The following LHX8 variants were observed in gnomAD, a reference collection of about 807,000 sequenced individuals.
LHX8 encodes the protein LIM/homeobox protein Lhx8.
Under a neutral mutation model 40.3 loss-of-function variants are expected in LHX8, and 12 were observed. The ratio of observed to expected loss-of-function variants is 0.30; its 90% CI spans 0.19 to 0.48. The LOEUF (loss-of-function observed/expected upper bound fraction) is 0.48. Among genes scored for constraint, LHX8 ranks in the 20% least tolerant of loss-of-function variants. LHX8 has a pLI of 0.99. For missense variants in LHX8, 344 were observed against 433.7 expected, an observed-to-expected ratio of 0.79 and a Z score of 1.84; for synonymous variants, 179 against 162.0, an observed-to-expected ratio of 1.10 and a Z score of -0.80.
the LHX8 span, among the ~76,000 whole-genome samples, chr1:75,193,692 T>G: frequency 6.6e-6 from 1 of 152,226 alleles, no homozygotes; most frequent in Admixed American, 6.5e-5. Flanking sequence ...TGCCTTAACT[T>G]CCAGAATCCC....
At chr1:75,136,322 G>A (rs1244092954) in intron 1 of LHX8, among the ~76,000 whole-genome samples, 1 of 152,038 alleles carries the variant, frequency 6.6e-6, no homozygotes, top group Non-Finnish European at 1.5e-5. Flanking sequence ...CCCGGCGGGG[G>A]GGCGGGGAAC....
rs765140176 is a variant in LHX8 at position 75,156,910 on chromosome 1, T to C, written c.798T>C (p.Cys266=). The C allele has an allele frequency of 8.7e-6, 14 of 1,614,182 alleles. No homozygotes were observed. The highest frequency in any genetic ancestry group is 1.2e-5 in the Non-Finnish European group (14 of 1,180,030). ...RRVIQVWFQN[C]RARHKKHVSP... ...CTGCTCAGGTGTGGTTTCAGAATTGTAGAGCACGCCACAAGAAACACGTCA... is the reference window on the plus strand; with the variant it reads ...CTGCTCAGGTGTGGTTTCAGAATTGCAGAGCACGCCACAAGAAACACGTCA... The change falls in exon 8 of 9, where the codon TGT becomes TGC. Residue 266 remains cysteine (C), a synonymous_variant. Coordinates refer to ENST00000356261, the MANE Select transcript of LHX8 (RefSeq NM_001256114.2).
At chr1:75,167,760 G>A in the LHX8 span, among the ~76,000 whole-genome samples, 1 of 152,146 alleles carries the variant, frequency 6.6e-6, no homozygotes, top group Admixed American at 6.5e-5. Context: ...CTCTTGCCAT[G>A]GTTAATTTAC....
chr1:75,184,723 C>A, the LHX8 span, among the ~76,000 whole-genome samples: 2 of 151,848 alleles, frequency 1.3e-5, no homozygotes, highest in East Asian at 3.9e-4. Flanking sequence ...GAGGCAAGAG[C>A]AACCCCAAAG....
chr1:75,148,021 A>G (rs1648507449), intron 6 of LHX8, among the ~76,000 whole-genome samples: 1 of 152,138 alleles, frequency 6.6e-6, no homozygotes, highest in Non-Finnish European at 1.5e-5. Context: ...ACATGTTTAG[A>G]CTCTGGTAAA....
chr1:75,189,438 G>A, the LHX8 span, among the ~76,000 whole-genome samples: 22 of 152,250 alleles, frequency 1.4e-4, no homozygotes, highest in Admixed American at 1.3e-3. Flanking sequence ...TAAGTGAAGA[G>A]AAAGGAACTA....
chr1:75,137,143 C>T lies in LHX8; in HGVS notation c.119C>T (p.Ser40Leu). The change falls in exon 3 of 9, where the codon TCG becomes TTG. Residue 40 changes from serine to leucine, a missense_variant. This residue lies in a region of LHX8 where 108 missense variants were observed against 90.1 expected (regional missense o/e 1.20). Coordinates refer to ENST00000356261, the MANE Select transcript of LHX8 (RefSeq NM_001256114.2). ...GGGGACGAGGACTCGTGCTCCTCCT[C>T]GGCCCCGCTGTCCCCGTCGTCCTCG... The part of the protein sequence containing the change: ...GAGDEDSCSS[S>L]APLSPSSSPR... 13 of 1,611,786 alleles carry T rather than the reference C, an allele frequency of 8.1e-6. No homozygotes were observed. Among genetic ancestry groups the T allele is most frequent in the Non-Finnish European group, 1.1e-5 (13 of 1,179,006 alleles).
downstream of LHX8, among the ~76,000 whole-genome samples, chr1:75,162,210 C>T (rs1195951416): frequency 1.3e-5 from 2 of 151,422 alleles, no homozygotes; most frequent in East Asian, 3.9e-4. Flanking sequence ...TGCCTGAAAC[C>T]AGAAGCAACA....
chr1:75,130,422 C>T, upstream of LHX8: 2 of 542,980 alleles, frequency 3.7e-6, no homozygotes, highest in South Asian at 4.6e-5. Flanking sequence ...AGGAATGCCG[C>T]GGGGCGGGTG....
the LHX8 span, among the ~76,000 whole-genome samples, chr1:75,182,437 G>A: frequency 5.6e-5 from 8 of 142,924 alleles, no homozygotes; most frequent in South Asian, 2.2e-4. Context: ...GCAATGGTGC[G>A]ATCTCAGCTC....
chr1:75,196,818 C>T, the LHX8 span, among the ~76,000 whole-genome samples: 6 of 152,158 alleles, frequency 3.9e-5, no homozygotes, highest in African/African-American at 1.2e-4. Context: ...AACACATATA[C>T]TTGCATGTCT....
At chr1:75,171,637 C>T in the LHX8 span, among the ~76,000 whole-genome samples, 200 of 149,460 alleles carry the variant, frequency 1.3e-3, 2 homozygotes, top group Admixed American at 0.013. Context: ...AGAAGATTGA[C>T]CAAGCTGCAA....
rs763798465 is a variant in LHX8, at chr1:75,157,038, A to G, written c.926A>G (p.Asp309Gly). Residue 309 changes from aspartate to glycine, a missense_variant, in exon 8 of 9, where the codon GAT (aspartate) becomes GGT (glycine). Physicochemically the swap from Asp to Gly is moderately conservative, Grantham distance 94. Transcript: ENST00000356261. ...EMAYSAYVPQ[D>G]GTMLTALHSY... ...GCTTATTCTGCCTACGTGCCCCAAG[A>G]TGGAACGATGTTAACTGCGCTGCAT... 6.2e-7 allele frequency: 1 copy of G among 1,614,134 alleles called. No individual in the cohort carries two copies. The highest frequency in any genetic ancestry group is 1.3e-5 in the African/African-American group (1 of 75,040).
At chr1:75,170,716 G>A in the LHX8 span, among the ~76,000 whole-genome samples, 5 of 152,180 alleles carry the variant, frequency 3.3e-5, no homozygotes, top group Non-Finnish European at 7.3e-5. Context: ...CACATCTGGG[G>A]TAAGGATCAG....
chr1:75,194,573 T>G, the LHX8 span, among the ~76,000 whole-genome samples: 2 of 152,238 alleles, frequency 1.3e-5, no homozygotes, highest in African/African-American at 2.4e-5. Context: ...GCTTTCATTA[T>G]TCACTCTAAT....
chr1:75,193,700 C>T, the LHX8 span, among the ~76,000 whole-genome samples: 1 of 152,212 alleles, frequency 6.6e-6, no homozygotes, highest in Non-Finnish European at 1.5e-5. Flanking sequence ...CTTCCAGAAT[C>T]CCTAGCCTAC....
the LHX8 span, among the ~76,000 whole-genome samples, chr1:75,199,092 T>A: frequency 2.0e-5 from 3 of 152,232 alleles, no homozygotes; most frequent in African/African-American, 7.2e-5. Flanking sequence ...ACGCTGTTTA[T>A]CAGAGGATAG....
the LHX8 span, chr1:75,182,984 T>C: frequency 1.3e-5 from 2 of 152,318 alleles, no homozygotes; most frequent in East Asian, 3.9e-4. Context: ...CTCTTTCTTA[T>C]GAGCCAGCTG....
chr1:75,179,562 T>C, the LHX8 span, among the ~76,000 whole-genome samples: 1 of 150,860 alleles, frequency 6.6e-6, no homozygotes, highest in Admixed American at 6.6e-5. Context: ...TCCATCCCTT[T>C]ATTTTGAGCG....
Sources: allele counts gnomAD v4.1 joint callset (sites outside exome capture counted in the v4.1 genomes callset), GRCh38; gene constraint gnomAD v4.1.1; regional missense constraint gnomAD v4.1.1; transcripts MANE v1.5; gene names NCBI Gene and HGNC (gene_info 2026-07-23, HGNC 2026-07-21).